The following EHBP1 variants were observed in gnomAD, a reference collection of about 807,000 sequenced individuals.
EHBP1 encodes EH domain-binding protein 1.
In EHBP1, 55 loss-of-function variants were observed where a neutral mutation model predicts 144.0. The observed-to-expected ratio is 0.38, with a 90% CI of 0.31 to 0.48. EHBP1 has a LOEUF of 0.48. Ranked by LOEUF, EHBP1 falls within the 20% of genes least tolerant of loss-of-function variation. The pLI is 0.98. For missense variants in EHBP1, 1,200 were observed against 1,364.2 expected (o/e 0.88, Z 1.90); for synonymous variants, 469 against 472.7 (o/e 0.99, Z 0.10).
intron 10 of EHBP1, among the ~76,000 whole-genome samples, chr2:62,880,974 A>G (rs2051356512): frequency 6.6e-6 from 1 of 152,060 alleles, no homozygotes; most frequent in Admixed American, 6.5e-5. Context: ...TAGAAAACAC[A>G]CTTGATCAAC....
intron 14 of EHBP1, among the ~76,000 whole-genome samples, chr2:62,968,870 G>C (rs1435211282): frequency 2.0e-5 from 3 of 152,184 alleles, no homozygotes; most frequent in African/African-American, 7.2e-5. Flanking sequence ...AGATCCATGT[G>C]CATGACTGGC....
intron 7 of EHBP1, among the ~76,000 whole-genome samples, chr2:62,843,863 T>C (rs2048102314): frequency 6.6e-6 from 1 of 152,212 alleles, no homozygotes; most frequent in South Asian, 2.1e-4. Flanking sequence ...GTATTTTTAT[T>C]TACCAGCAAA....
At chr2:62,747,541 A>C (rs1159963815) in intron 3 of EHBP1, 89 bp downstream of exon 3, 3 of 1,022,520 alleles carry the variant, frequency 2.9e-6, no homozygotes, top group Non-Finnish European at 4.4e-6. Context: ...TTAAAATATT[A>C]CTTGATGTTT....
rs187927972 is a variant in EHBP1, at chr2:62,863,280, G to A, written c.758-1451G>A. The stretch of plus-strand genomic sequence containing the variant: ...AGCCTGGGCAACAGAGTGAGACTCC[G>A]TCACACACACACACACACACGTACC... On this transcript the variant is annotated intron_variant, in intron 8 of 22. Transcript: ENST00000431489. Among the ~76,000 whole-genome samples the A allele has an allele frequency of 5.0e-3, 743 of 147,178 alleles. 1 individual carries two copies. The highest frequency in any genetic ancestry group is 8.8e-3 in the Non-Finnish European group (580 of 65,724).
chr2:62,787,538 G>C (rs1052155330), intron 5 of EHBP1, among the ~76,000 whole-genome samples: 7 of 151,998 alleles, frequency 4.6e-5, no homozygotes, highest in Non-Finnish European at 7.4e-5. Flanking sequence ...GGCACCCTTT[G>C]ATTTGGTACA....
intron 10 of EHBP1, among the ~76,000 whole-genome samples, chr2:62,904,894 G>T (rs1004578018): frequency 6.6e-6 from 1 of 152,176 alleles, no homozygotes; most frequent in South Asian, 2.1e-4. Flanking sequence ...GTAAACAAGA[G>T]CAAGTCCTGC....
chr2:62,999,767 GA>G, intron 19 of EHBP1, among the ~76,000 whole-genome samples: 1 of 152,182 alleles, frequency 6.6e-6, no homozygotes, highest in Middle Eastern at 3.4e-3. Flanking sequence ...TAGCTACTAT[GA>G]ACATTTGTGT....
rs191630819 is a variant in EHBP1 at position 62,938,372 on chromosome 2, G to A, written c.1186-4346G>A. ...CCTAGAGGAATATGTGGCTGTATCC[G>A]TGGAAGAAGGGCAGACAGCAAAAGA... On this transcript the variant is annotated intron_variant, in intron 10 of 22. Coordinates refer to ENST00000431489, the MANE Select transcript of EHBP1 (RefSeq NM_001142616.3). 4.7e-4 allele frequency among the ~76,000 whole-genome samples: 71 copies of A among 152,312 alleles called. 1 individual carries two copies. The highest frequency in any genetic ancestry group is 2.1e-4 in the South Asian group (1 of 4,824).
chr2:62,885,318 A>G (rs1232530672), intron 10 of EHBP1, among the ~76,000 whole-genome samples: 1 of 152,228 alleles, frequency 6.6e-6, no homozygotes, highest in African/African-American at 2.4e-5. Flanking sequence ...TGAGCCCCTC[A>G]GTATCATAAA....
chr2:63,044,840 A>G, intron 21 of EHBP1: 1 of 455,584 alleles, frequency 2.2e-6, no homozygotes, highest in South Asian at 2.9e-5. Flanking sequence ...AGCAGGTTCC[A>G]ACACTGCTGC....
chr2:62,950,877 G>A (rs976660137), intron 13 of EHBP1, among the ~76,000 whole-genome samples: 2 of 152,098 alleles, frequency 1.3e-5, no homozygotes, highest in Non-Finnish European at 2.9e-5. Flanking sequence ...TAGAGACGGT[G>A]TTTCTCCATG....
chr2:63,042,221 G>T (rs1236227595), intron 21 of EHBP1, among the ~76,000 whole-genome samples: 2 of 151,990 alleles, frequency 1.3e-5, no homozygotes, highest in East Asian at 3.9e-4. Context: ...TGTGAATCTT[G>T]ATCAATTTTA....
At chr2:62,825,129 A>G (rs761626748) in intron 5 of EHBP1, among the ~76,000 whole-genome samples, 20 of 151,924 alleles carry the variant, frequency 1.3e-4, no homozygotes, top group South Asian at 6.2e-4. Context: ...ATGGTACATG[A>G]TTTCTGATTT....
chr2:62,696,233 C>T lies in EHBP1; in HGVS notation c.-295-10664C>T, dbSNP rs185399852. On this transcript the variant is annotated intron_variant, in intron 1 of 22. Coordinates refer to the EHBP1 transcript ENST00000405015. Reference sequence around the variant, plus strand: ...TCACCCAGGCTTGAGTACAGTGGCACGGTCTTGGCTCACTGCAGCCTCTTC... The same window carrying T: ...TCACCCAGGCTTGAGTACAGTGGCATGGTCTTGGCTCACTGCAGCCTCTTC... 8.6e-4 allele frequency among the ~76,000 whole-genome samples: 128 copies of T among 149,636 alleles called. 1 individual carries two copies. In the East Asian group the frequency reaches 9.5e-3, roughly 11 times the overall value.
At chr2:62,992,443 A>G (rs1298964990) in intron 16 of EHBP1, among the ~76,000 whole-genome samples, 1 of 152,158 alleles carries the variant, frequency 6.6e-6, no homozygotes, top group Non-Finnish European at 1.5e-5. Context: ...ACACTCTTAT[A>G]TAGTAGTCTT....
rs908255885 is a variant in EHBP1 at position 62,970,952 on chromosome 2, T to A, written c.2461-8236T>A. On this transcript the variant is annotated intron_variant, in intron 14 of 22. Coordinates refer to ENST00000431489, the MANE Select transcript of EHBP1 (RefSeq NM_001142616.3). ...CAGTGGAAGAAAGCTTGCCTAGATG[T>A]CGGTGAACTGTGAAATATAAAAATT... Among the ~76,000 whole-genome samples the A allele has an allele frequency of 3.3e-5, 5 of 152,164 alleles. No homozygotes were observed. In the South Asian group the frequency reaches 1.0e-3, roughly 31 times the overall value.
chr2:62,757,747 C>A (rs2040430419), intron 3 of EHBP1, among the ~76,000 whole-genome samples: 1 of 151,900 alleles, frequency 6.6e-6, no homozygotes, highest in African/African-American at 2.4e-5. Flanking sequence ...ATAATCATTT[C>A]TTTTTGGCAT....
chr2:62,727,670 G>T (rs1395627886), intron 2 of EHBP1, among the ~76,000 whole-genome samples: 4 of 152,094 alleles, frequency 2.6e-5, no homozygotes, highest in Non-Finnish European at 5.9e-5. Flanking sequence ...CTATTATATG[G>T]ATATGTTACA....
At chr2:62,857,046 A>G (rs889827097) in intron 7 of EHBP1, among the ~76,000 whole-genome samples, 1 of 152,128 alleles carries the variant, frequency 6.6e-6, no homozygotes, top group Non-Finnish European at 1.5e-5. Context: ...ACTTCTAGAC[A>G]AGGTTGGCTT....
Sources: gnomAD v4.1 joint callset for allele counts (sites outside exome capture counted in the v4.1 genomes callset) on GRCh38, gnomAD v4.1.1 for gene constraint, MANE v1.5 for transcripts, NCBI Gene and HGNC (gene_info 2026-07-23, HGNC 2026-07-21) for gene names.